RAPGEF6: variants seen among roughly 807,000 people sequenced by gnomAD.
RAPGEF6 encodes PDZ domain containing guanine nucleotide exchange factor (GEF) 2.
RAPGEF6 carries 56 observed loss-of-function variants against 171.4 expected under a neutral mutation model. The observed-to-expected ratio is 0.33, with a 90% CI of 0.26 to 0.41. The LOEUF is 0.41. Among genes scored for constraint, RAPGEF6 ranks in the 10% least tolerant of loss-of-function variants. The pLI is 1.00. For missense variants in RAPGEF6, 1,674 were observed against 1,921.4 expected, an observed-to-expected ratio of 0.87 and a Z score of 2.41; for synonymous variants, 692 against 650.1, an observed-to-expected ratio of 1.06 and a Z score of -0.98.
intron 22 of RAPGEF6, among the ~76,000 whole-genome samples, chr5:131,445,455 T>A (rs1435399803): frequency 1.4e-5 from 2 of 145,456 alleles, no homozygotes; most frequent in African/African-American, 5.3e-5. Flanking sequence ...TGAAATAAAA[T>A]TCTATTTCAA....
chr5:131,455,883 A>G lies in RAPGEF6; in HGVS notation c.2994T>C (p.Asn998=). ...GCTGCATACTTTGACTACTAAGAAT[A>G]TTTCTATACTTTGCCATGTTTCTAG... ...DPSRNMAKYR[N]ILSSQSMQPP... The change falls in exon 20 of 28, where the codon AAT becomes AAC. Residue 998 remains asparagine, a synonymous_variant. Coordinates refer to ENST00000509018, the MANE Select transcript of RAPGEF6 (RefSeq NM_016340.6). 5.6e-6 allele frequency: 9 copies of G among 1,613,916 alleles called. No homozygotes were observed. Among genetic ancestry groups the G allele is most frequent in the Non-Finnish European group, 7.6e-6 (9 of 1,179,808 alleles).
intron 4 of RAPGEF6, among the ~76,000 whole-genome samples, chr5:131,576,336 G>A (rs1405702813): frequency 2.0e-5 from 3 of 152,216 alleles, no homozygotes; most frequent in East Asian, 1.9e-4. Context: ...ACCTCTCAAC[G>A]TGCCAAACTT....
At chr5:131,598,000 G>C (rs886191040) in intron 3 of RAPGEF6, among the ~76,000 whole-genome samples, 2 of 151,716 alleles carry the variant, frequency 1.3e-5, no homozygotes, top group African/African-American at 4.8e-5. Context: ...ATAATGTGTC[G>C]ATTAAAAAGT....
At chr5:131,516,785 TA>T (rs1758113666) in intron 7 of RAPGEF6, among the ~76,000 whole-genome samples, 1 of 152,238 alleles carries the variant, frequency 6.6e-6, no homozygotes, top group Non-Finnish European at 1.5e-5. Flanking sequence ...ATGTATACTT[TA>T]AAATTTTAAT....
At position 131,536,379 on chromosome 5, in the gene RAPGEF6, C is replaced by T. The variant is rs148818525; in HGVS notation, c.495+11668G>A. 5.3e-3 allele frequency among the ~76,000 whole-genome samples: 813 copies of T among 152,222 alleles called. 5 individuals are homozygous for T. Among genetic ancestry groups the T allele is most frequent in the African/African-American group, 0.019 (774 of 41,532 alleles). On this transcript the variant is annotated intron_variant, in intron 6 of 27. Coordinates refer to ENST00000509018, the MANE Select transcript of RAPGEF6 (RefSeq NM_016340.6). ...ACACAGTTAACTCTAATTACTGGTG[C>T]CCCTTAGGACTTCTGCTTTCAAACT...
At chr5:131,508,303 A>G in intron 8 of RAPGEF6, 96 bp from the exon 9 acceptor site, 1 of 1,236,116 alleles carries the variant, frequency 8.1e-7, no homozygotes, top group South Asian at 1.8e-5. Flanking sequence ...TTCACAATCA[A>G]CTTATAAATT....
Position 131,426,747 on chromosome 5 carries a change from C to G in RAPGEF6, c.*519G>C. The G allele has an allele frequency of 5.9e-6, 1 of 170,472 alleles. No homozygotes were observed. Among genetic ancestry groups the G allele is most frequent in the Non-Finnish European group, 1.2e-5 (1 of 80,770 alleles). 10.6% of individuals were successfully genotyped at this position (170,472 alleles called of 1,614,324 possible). A position where few individuals can be genotyped will look rare whatever the true frequency, so the allele number is the denominator to read the frequency against. ...GACTTCTGTTTGGTCAGACCAGAGA[C>G]AATTTTATGACCTCAAACATGAATA... On this transcript the variant is annotated 3_prime_UTR_variant, in exon 28 of 28. Coordinates refer to ENST00000509018, the MANE Select transcript of RAPGEF6 (RefSeq NM_016340.6).
chr5:131,614,508 T>C (rs1765151761), intron 1 of RAPGEF6, among the ~76,000 whole-genome samples: 3 of 152,074 alleles, frequency 2.0e-5, no homozygotes, highest in African/African-American at 7.2e-5. Context: ...AAGTGCTACA[T>C]GCTTTTAAAC....
intron 17 of RAPGEF6, chr5:131,472,375 G>A (rs528457980): frequency 7.6e-6 from 5 of 656,886 alleles, no homozygotes; most frequent in South Asian, 3.2e-5. Flanking sequence ...CTGGCCAGAG[G>A]TAGTCTCTTT....
intron 4 of RAPGEF6, among the ~76,000 whole-genome samples, chr5:131,574,026 T>C (rs186940212): frequency 2.7e-4 from 41 of 152,268 alleles, no homozygotes; most frequent in Admixed American, 9.2e-4. Flanking sequence ...TTACAGCTAC[T>C]TGCCTTCACT....
chr5:131,596,618 A>G (rs2150007942), intron 3 of RAPGEF6, among the ~76,000 whole-genome samples: 1 of 152,278 alleles, frequency 6.6e-6, no homozygotes, highest in South Asian at 2.1e-4. Context: ...CAGAATGGAT[A>G]TCCCAGAATT....
intron 17 of RAPGEF6, among the ~76,000 whole-genome samples, chr5:131,466,426 A>T (rs1754352140): frequency 6.6e-6 from 1 of 152,206 alleles, no homozygotes; most frequent in African/African-American, 2.4e-5. Context: ...ATCCATCAAA[A>T]TCAGACATAC....
rs182635842 is a variant in RAPGEF6 at position 131,487,114 on chromosome 5, T to C, written c.1840+2432A>G. Reference sequence around the variant, plus strand: ...GACCTTCACGGTTGAGTGTTACAGCTCTTAAAGATGGTGTGTCTGGAGTTT... The same window carrying C: ...GACCTTCACGGTTGAGTGTTACAGCCCTTAAAGATGGTGTGTCTGGAGTTT... On this transcript the variant is annotated intron_variant, in intron 15 of 27. Transcript: ENST00000509018. Among the ~76,000 whole-genome samples, 488 of 152,232 alleles carry C rather than the reference T, an allele frequency of 3.2e-3. 3 individuals are homozygous for C. Among genetic ancestry groups the C allele is most frequent in the African/African-American group, 0.011 (464 of 41,528 alleles).
chr5:131,431,950 G>A (rs889187962), intron 25 of RAPGEF6, among the ~76,000 whole-genome samples: 1 of 151,898 alleles, frequency 6.6e-6, no homozygotes, highest in African/African-American at 2.4e-5. Context: ...ATTTTTCAAC[G>A]TACCTCTGAG....
intron 6 of RAPGEF6, among the ~76,000 whole-genome samples, chr5:131,542,730 A>G (rs1488816538): frequency 6.6e-6 from 1 of 152,220 alleles, no homozygotes; most frequent in Non-Finnish European, 1.5e-5. Context: ...ATGTGAAAGT[A>G]GGTCTTGAGA....
intron 7 of RAPGEF6, among the ~76,000 whole-genome samples, chr5:131,513,945 T>A (rs1460147378): frequency 6.6e-6 from 1 of 152,140 alleles, no homozygotes; most frequent in Non-Finnish European, 1.5e-5. Context: ...GGAGGATTGC[T>A]TAAGCCTTGG....
chr5:131,496,990 G>A (rs1443621194), intron 12 of RAPGEF6, among the ~76,000 whole-genome samples: 1 of 151,986 alleles, frequency 6.6e-6, no homozygotes, highest in Non-Finnish European at 1.5e-5. Flanking sequence ...GGGTGGGGGT[G>A]GGGAGGAGGG....
In RAPGEF6 at chr5:131,631,059, G is replaced by A. The variant is rs114565862; in HGVS notation, c.69+3903C>T. On this transcript the variant is annotated intron_variant, in intron 1 of 27. Transcript: ENST00000509018. Reference sequence around the variant, plus strand: ...TTTGCTGATTTCTACTCTTCTCCCCGACCTTATACTGATCTCATGTCCCAT... The same window carrying A: ...TTTGCTGATTTCTACTCTTCTCCCCAACCTTATACTGATCTCATGTCCCAT... 4.9e-3 allele frequency among the ~76,000 whole-genome samples: 751 copies of A among 152,062 alleles called. 4 individuals are homozygous for A. The highest frequency in any genetic ancestry group is 8.4e-3 in the Non-Finnish European group (572 of 67,986).
At chr5:131,516,037 G>C (rs1408741587) in intron 7 of RAPGEF6, among the ~76,000 whole-genome samples, 2 of 125,790 alleles carry the variant, frequency 1.6e-5, no homozygotes, top group Non-Finnish European at 3.3e-5. Flanking sequence ...CTAGGACTCA[G>C]ATGATATCCT....
Sources: gnomAD v4.1 joint callset for allele counts (sites outside exome capture counted in the v4.1 genomes callset) on GRCh38, gnomAD v4.1.1 for gene constraint, MANE v1.5 for transcripts, NCBI Gene and HGNC (gene_info 2026-07-23, HGNC 2026-07-21) for gene names.